STPG2: variants seen among roughly 807,000 people sequenced by gnomAD.
The protein encoded by STPG2 is sperm-tail PG-rich repeat-containing protein 2.
In STPG2, 56 loss-of-function variants were observed where a neutral mutation model predicts 54.2. The ratio of observed to expected loss-of-function variants is 1.03; its 90% CI spans 0.83 to 1.29. The LOEUF (loss-of-function observed/expected upper bound fraction) is 1.29, where lower values mean the gene tolerates loss of function less well. Among genes scored for constraint, STPG2 ranks in the 50% most tolerant of loss-of-function variants. STPG2 has a pLI of 0.00. For missense variants in STPG2, 596 were observed against 544.9 expected (o/e 1.09, Z -0.93); for synonymous variants, 200 against 181.8 (o/e 1.10, Z -0.81).
chr4:97,813,353 C>T (rs956351195), intron 9 of STPG2, among the ~76,000 whole-genome samples: 6 of 151,996 alleles, frequency 3.9e-5, no homozygotes, highest in African/African-American at 1.4e-4. Context: ...ACCTGTGTAA[C>T]AAAGCTGCAC....
intron 10 of STPG2, among the ~76,000 whole-genome samples, chr4:97,636,009 A>C (rs1177185059): frequency 6.6e-6 from 1 of 151,948 alleles, no homozygotes; most frequent in African/African-American, 2.4e-5. Flanking sequence ...CATCTACAGA[A>C]CTCTCCACCC....
intron 8 of STPG2, among the ~76,000 whole-genome samples, chr4:97,915,511 G>A (rs897135505): frequency 9.2e-5 from 14 of 152,114 alleles, no homozygotes; most frequent in Admixed American, 2.0e-4. Context: ...ATTCAAGGCA[G>A]AATGTGACAA....
At chr4:97,788,847 G>T (rs1726903181) in intron 9 of STPG2, among the ~76,000 whole-genome samples, 1 of 151,932 alleles carries the variant, frequency 6.6e-6, no homozygotes. Flanking sequence ...CAGAAATACA[G>T]ACATGTTTTG....
At chr4:97,860,820 G>C (rs1729507217) in intron 8 of STPG2, among the ~76,000 whole-genome samples, 1 of 152,158 alleles carries the variant, frequency 6.6e-6, no homozygotes, top group South Asian at 2.1e-4. Flanking sequence ...ATGTGGAATA[G>C]AAGTGGTAAA....
chr4:97,723,321 C>T (rs1724514631), intron 9 of STPG2, among the ~76,000 whole-genome samples: 1 of 151,806 alleles, frequency 6.6e-6, no homozygotes, highest in South Asian at 2.1e-4. Flanking sequence ...ACACTGAGGA[C>T]TCCAAAAGGG....
intron 5 of STPG2, among the ~76,000 whole-genome samples, chr4:98,095,036 A>G (rs1398938625): frequency 6.6e-6 from 1 of 152,226 alleles, no homozygotes; most frequent in Non-Finnish European, 1.5e-5. Context: ...AGTTAAAAAA[A>G]CAGAGAATTA....
intron 4 of STPG2, among the ~76,000 whole-genome samples, chr4:97,488,965 A>G (rs1730438498): frequency 6.6e-6 from 1 of 151,712 alleles, no homozygotes; most frequent in African/African-American, 2.4e-5. Context: ...CTCAAATCTC[A>G]TCTTGAATTG....
intron 4 of STPG2, among the ~76,000 whole-genome samples, chr4:97,517,273 G>A (rs1400627082): frequency 6.6e-6 from 1 of 152,064 alleles, no homozygotes; most frequent in African/African-American, 2.4e-5. Flanking sequence ...CTACTAGAGA[G>A]TCTGAGGCAG....
chr4:97,666,142 G>A (rs1722516586), intron 10 of STPG2, among the ~76,000 whole-genome samples: 1 of 152,116 alleles, frequency 6.6e-6, no homozygotes, highest in African/African-American at 2.4e-5. Context: ...CATAGCTTAG[G>A]TGGCTGCAGT....
At chr4:97,968,999 T>G (rs1734219164) in intron 7 of STPG2, among the ~76,000 whole-genome samples, 1 of 152,066 alleles carries the variant, frequency 6.6e-6, no homozygotes, top group South Asian at 2.1e-4. Flanking sequence ...AATGCAACCC[T>G]TGTGGAGAGC....
chr4:97,539,975 C>T (rs1206368425), intron 4 of STPG2, among the ~76,000 whole-genome samples: 3 of 152,168 alleles, frequency 2.0e-5, no homozygotes, highest in Non-Finnish European at 4.4e-5. Flanking sequence ...ACATTTAAAG[C>T]AGTGTGTAGA....
intron 10 of STPG2, among the ~76,000 whole-genome samples, chr4:97,598,564 A>AAC (rs1042710851): frequency 7.2e-5 from 11 of 151,876 alleles, no homozygotes; most frequent in African/African-American, 2.7e-4. Context: ...GTAAAAAAAA[A>AAC]AAAAACAGAC....
At chr4:97,963,464 G>A (rs1733967873) in intron 7 of STPG2, among the ~76,000 whole-genome samples, 1 of 152,066 alleles carries the variant, frequency 6.6e-6, no homozygotes, top group Non-Finnish European at 1.5e-5. Flanking sequence ...ATCATCCTGG[G>A]CAGCAAAGTG....
intron 7 of STPG2, among the ~76,000 whole-genome samples, chr4:97,957,095 TAG>T (rs1463862274): frequency 8.9e-6 from 1 of 112,698 alleles, no homozygotes; most frequent in African/African-American, 3.1e-5. Flanking sequence ...GAAATATACA[TAG>T]GTGAAATATA....
chr4:97,467,843 CT>C (rs575151800), intron 4 of STPG2, among the ~76,000 whole-genome samples: 5,050 of 133,760 alleles, frequency 0.038, 76 homozygotes, highest in African/African-American at 0.055. Context: ...GCTGCTTTTG[CT>C]TTTTTTTTTT....
chr4:97,807,088 T>C (rs532096295), intron 9 of STPG2, among the ~76,000 whole-genome samples: 4 of 151,922 alleles, frequency 2.6e-5, no homozygotes, highest in African/African-American at 9.6e-5. Flanking sequence ...TCCAATGTTT[T>C]TCTATAATAT....
At chr4:97,913,061 T>C (rs1262163274) in intron 8 of STPG2, among the ~76,000 whole-genome samples, 1 of 152,196 alleles carries the variant, frequency 6.6e-6, no homozygotes, top group Non-Finnish European at 1.5e-5. Context: ...AACAACATAA[T>C]AGGTATTTTA....
chr4:97,763,883 T>G (rs1015912803), intron 9 of STPG2, among the ~76,000 whole-genome samples: 1 of 152,200 alleles, frequency 6.6e-6, no homozygotes, highest in Non-Finnish European at 1.5e-5. Context: ...TCAGCCACAT[T>G]TTTATTGCAT....
At chr4:97,650,007 G>C (rs1218659684) in intron 10 of STPG2, among the ~76,000 whole-genome samples, 2 of 152,132 alleles carry the variant, frequency 1.3e-5, no homozygotes, top group Admixed American at 6.6e-5. Context: ...ATGGGAGACA[G>C]TGACAGATCA....
Sources: allele counts gnomAD v4.1 joint callset (sites outside exome capture counted in the v4.1 genomes callset), GRCh38; gene constraint gnomAD v4.1.1; transcripts MANE v1.5; gene names NCBI Gene and HGNC (gene_info 2026-07-23, HGNC 2026-07-21).